FGF13: variants seen among roughly 807,000 people sequenced by gnomAD.
FGF13 encodes the protein fibroblast growth factor homologous factor 2.
A neutral mutation model predicts 19.5 loss-of-function variants in FGF13; 2 were observed. That is an observed-to-expected ratio of 0.10 (90% CI 0.04 to 0.32). The LOEUF (loss-of-function observed/expected upper bound fraction) is 0.32. Ranked by LOEUF, FGF13 falls within the 10% of genes least tolerant of loss-of-function variation. The pLI is 1.00. For missense variants in FGF13, 113 were observed against 192.7 expected (o/e 0.59, Z 2.45); for synonymous variants, 72 against 76.9 (o/e 0.94, Z 0.33).
intron 1 of FGF13, among the ~76,000 whole-genome samples, chrX:139,044,783 C>T (rs1370534586): frequency 2.7e-5 from 3 of 111,820 alleles, no homozygotes; most frequent in Non-Finnish European, 3.8e-5. Flanking sequence ...TGTGAGGAGT[C>T]GCCTCCAATG....
chrX:138,619,226 CA>C lies in FGF13; in HGVS notation c.*13623del. The C allele has an allele frequency of 9.0e-6, 1 of 111,473 alleles. No homozygotes were observed. 9.2% of individuals were successfully genotyped at this position (111,473 alleles called of 1,213,427 possible). A position where few individuals can be genotyped will look rare whatever the true frequency, so the allele number is the denominator to read the frequency against. ...TGTATGACCAAAATAATAAGTTCAA[CA>C]AAGAGATAGAAACTGTGAAAAACAA... is the stretch of plus-strand genomic sequence containing the variant. On this transcript the variant is annotated 3_prime_UTR_variant, in exon 5 of 5. Coordinates refer to ENST00000315930, the MANE Select transcript of FGF13 (RefSeq NM_004114.5).
intron 1 of FGF13, chrX:138,984,982 A>C (rs2091988986): frequency 5.8e-6 from 2 of 343,423 alleles, no homozygotes; most frequent in Non-Finnish European, 1.2e-5. Context: ...GGGGAATATT[A>C]ATGACATCAC....
At chrX:138,963,781 C>T (rs1441875159) in intron 1 of FGF13, among the ~76,000 whole-genome samples, 1 of 111,831 alleles carries the variant, frequency 8.9e-6, no homozygotes, top group Non-Finnish European at 1.9e-5. Context: ...TGTCCTATTT[C>T]TAAGCATCCT....
At chrX:139,106,328 A>T (rs1012894841) in intron 1 of FGF13, among the ~76,000 whole-genome samples, 4 of 112,953 alleles carry the variant, frequency 3.5e-5, no homozygotes, top group African/African-American at 1.3e-4. Flanking sequence ...AAGGCCATCC[A>T]GCTGGGCAGC....
At chrX:138,928,080 G>A (rs748686328) in intron 1 of FGF13, among the ~76,000 whole-genome samples, 8 of 110,506 alleles carry the variant, frequency 7.2e-5, no homozygotes, top group Admixed American at 1.9e-4. Context: ...AGACAAAATG[G>A]ATACAAAACT....
At chrX:139,021,256 C>T (rs953122305) in intron 1 of FGF13, among the ~76,000 whole-genome samples, 5 of 110,676 alleles carry the variant, frequency 4.5e-5, no homozygotes, top group Non-Finnish European at 3.8e-5. Flanking sequence ...GGGCTGCCAT[C>T]CCCTAAATCT....
intron 3 of FGF13, among the ~76,000 whole-genome samples, chrX:138,811,965 G>A (rs1379906013): frequency 1.9e-5 from 2 of 106,748 alleles, no homozygotes; most frequent in Non-Finnish European, 3.9e-5. Context: ...TTACAGTTCA[G>A]TGGTTTTTAA....
intron 3 of FGF13, among the ~76,000 whole-genome samples, chrX:138,676,445 T>A (rs2089667287): frequency 9.0e-6 from 1 of 111,689 alleles, no homozygotes. Flanking sequence ...TAAAGATTTA[T>A]CTTTAAGAAT....
chrX:138,783,796 G>A (rs1207028081), intron 3 of FGF13, among the ~76,000 whole-genome samples: 2 of 109,571 alleles, frequency 1.8e-5, no homozygotes, highest in African/African-American at 3.3e-5. Flanking sequence ...ACCATTTGAC[G>A]CAGCCATCCC....
intron 1 of FGF13, among the ~76,000 whole-genome samples, chrX:138,893,580 C>A (rs947854106): frequency 9.0e-6 from 1 of 110,541 alleles, no homozygotes; most frequent in African/African-American, 3.3e-5. Flanking sequence ...CTGCCTCCTG[C>A]AAGGAGTTGA....
At chrX:139,110,851 G>A (rs190377676) in intron 1 of FGF13, among the ~76,000 whole-genome samples, 1 of 110,957 alleles carries the variant, frequency 9.0e-6, no homozygotes, top group Non-Finnish European at 1.9e-5. Context: ...CTTCCCCTTG[G>A]ACTGCGGCAT....
chrX:138,668,700 G>A (rs193236700), intron 3 of FGF13, among the ~76,000 whole-genome samples: 9 of 109,584 alleles, frequency 8.2e-5, no homozygotes, highest in African/African-American at 3.0e-4. Flanking sequence ...GAAACTGGGG[G>A]TGGGGAGGAC....
chrX:138,922,606 G>A (rs2091652686), intron 1 of FGF13, among the ~76,000 whole-genome samples: 1 of 111,911 alleles, frequency 8.9e-6, no homozygotes, highest in Non-Finnish European at 1.9e-5. Flanking sequence ...AGTTCCTCAA[G>A]AATTCCCACT....
intron 3 of FGF13, among the ~76,000 whole-genome samples, chrX:138,700,440 A>T (rs2089936049): frequency 9.0e-6 from 1 of 111,339 alleles, no homozygotes; most frequent in South Asian, 3.8e-4. Flanking sequence ...TTGATGAAAC[A>T]TGATATTTCA....
chrX:139,075,658 G>T (rs1010907911), intron 1 of FGF13, among the ~76,000 whole-genome samples: 7 of 111,440 alleles, frequency 6.3e-5, no homozygotes, highest in Non-Finnish European at 1.1e-4. Context: ...GAAAAAGAAG[G>T]CTCTCAACTT....
At chrX:138,913,844 G>A (rs1246983022) in intron 1 of FGF13, among the ~76,000 whole-genome samples, 3 of 110,036 alleles carry the variant, frequency 2.7e-5, no homozygotes, top group Non-Finnish European at 5.7e-5. Flanking sequence ...TAAGACTCCA[G>A]GATGAAATAA....
rs192942130 is a variant in FGF13 at position 138,976,348 on chromosome X, T to C, written c.-112-111698A>G. On this transcript the variant is annotated intron_variant, in intron 1 of 2. Transcript: ENST00000421460. ...AAGAAAATGTAGTATATATACACCA[T>C]GGAATACTACTCAGCCATAAAAAAG... Among the ~76,000 whole-genome samples the C allele has an allele frequency of 2.6e-3, 291 of 111,924 alleles. 2 individuals are homozygous for C. Among genetic ancestry groups the C allele is most frequent in the African/African-American group, 8.9e-3 (273 of 30,816 alleles).
intron 1 of FGF13, among the ~76,000 whole-genome samples, chrX:139,192,308 C>T (rs1308963112): frequency 9.0e-6 from 1 of 111,432 alleles, no homozygotes; most frequent in East Asian, 2.8e-4. Context: ...ATGGAGCCTG[C>T]TCACCAGAAA....
chrX:138,998,767 A>G (rs955748232), intron 1 of FGF13, among the ~76,000 whole-genome samples: 1 of 111,559 alleles, frequency 9.0e-6, no homozygotes, highest in Non-Finnish European at 1.9e-5. Context: ...TCAACATTAG[A>G]CAGATCAACG....
Sources: gnomAD v4.1 joint callset for allele counts (sites outside exome capture counted in the v4.1 genomes callset) on GRCh38, gnomAD v4.1.1 for gene constraint, MANE v1.5 for transcripts, NCBI Gene and HGNC (gene_info 2026-07-23, HGNC 2026-07-21) for gene names.